The following UGT1A7 variants were observed in gnomAD, a reference collection of about 807,000 sequenced individuals.
UGT1A7 encodes the protein UDP-glucuronosyltransferase 1A7.
Under a neutral mutation model 45.6 loss-of-function variants are expected in UGT1A7, and 33 were observed. The observed-to-expected ratio is 0.72, with a 90% confidence interval of 0.55 to 0.97. UGT1A7 has a LOEUF of 0.97. UGT1A7 is among the 50% of genes least tolerant of loss of function. The pLI is 0.00. For missense variants in UGT1A7, 684 were observed against 666.2 expected, an observed-to-expected ratio of 1.03 and a Z score of -0.29; for synonymous variants, 274 against 250.6, an observed-to-expected ratio of 1.09 and a Z score of -0.88.
intron 1 of UGT1A7, chr2:233,729,392 T>A (rs1335672104): frequency 6.2e-7 from 1 of 1,613,876 alleles, no homozygotes; most frequent in Non-Finnish European, 8.5e-7. Flanking sequence ...CAGGATGAAT[T>A]TGATCGCCAT....
At chr2:233,709,129 A>T (rs2076058664) in intron 1 of UGT1A7, among the ~76,000 whole-genome samples, 1 of 152,130 alleles carries the variant, frequency 6.6e-6, no homozygotes, top group Non-Finnish European at 1.5e-5. Context: ...ATGGTGGCCA[A>T]GGGGATGAGA....
chr2:233,730,328 C>T (rs1363766839), intron 1 of UGT1A7, among the ~76,000 whole-genome samples: 2 of 152,106 alleles, frequency 1.3e-5, no homozygotes, highest in African/African-American at 2.4e-5. Context: ...AGGGACACTA[C>T]GTTTGGAACT....
chr2:233,692,962 G>A (rs1229864362), intron 1 of UGT1A7: 7 of 1,609,176 alleles, frequency 4.4e-6, no homozygotes, highest in Non-Finnish European at 5.1e-6. Flanking sequence ...GATTTGGAGA[G>A]TGAAAACTCT....
chr2:233,718,737 A>G lies in UGT1A7; in HGVS notation c.855+35945A>G, dbSNP rs545724404. On this transcript the variant is annotated intron_variant, in intron 1 of 4. Transcript: ENST00000373426. ...ACATGCTGATTTGCTAGGTGGCTCA[A>G]TGACAAGGTAATTAAGGCGAAGGAA... 56 of 1,611,866 alleles carry G rather than the reference A, an allele frequency of 3.5e-5. No homozygotes were observed. In the African/African-American group the frequency reaches 4.3e-4, roughly 12 times the overall value.
In UGT1A7 at chr2:233,748,243, C is replaced by T. The variant is rs570859275; in HGVS notation, c.856-18791C>T. Among the ~76,000 whole-genome samples the T allele has an allele frequency of 2.0e-4, 31 of 151,784 alleles. 2 individuals are homozygous for T. Among genetic ancestry groups the T allele is most frequent in the African/African-American group, 6.3e-4 (26 of 41,150 alleles). ...TAAACTGTTAAGGGGTCTCTAGTAGCGTATTTCAGGTTTTAAATGGTCAAT... is the reference window on the plus strand; with the variant it reads ...TAAACTGTTAAGGGGTCTCTAGTAGTGTATTTCAGGTTTTAAATGGTCAAT... On this transcript the variant is annotated intron_variant, in intron 1 of 4. Transcript: ENST00000373426.
intron 1 of UGT1A7, chr2:233,747,238 C>T (rs1693595349): frequency 1.8e-5 from 29 of 1,603,598 alleles, no homozygotes; most frequent in Non-Finnish European, 2.5e-5. Flanking sequence ...CCAGGTTCCC[C>T]TGCTGTGGCT....
chr2:233,748,015 C>T lies in UGT1A7; in HGVS notation c.856-19019C>T, dbSNP rs746722710. ...GACTTTGTGATGGATTACCCCAGGC[C>T]GATCATGCCCAACATGGTCTTCATT... is the stretch of plus-strand genomic sequence containing the variant. On this transcript the variant is annotated intron_variant, in intron 1 of 4. Coordinates refer to ENST00000373426, the MANE Select transcript of UGT1A7 (RefSeq NM_019077.3). The T allele has an allele frequency of 4.5e-4, 728 of 1,613,308 alleles. 4 individuals carry two copies. Among genetic ancestry groups the T allele is most frequent in the Middle Eastern group, 6.6e-4 (4 of 6,082 alleles).
chr2:233,692,981 G>A lies in UGT1A7; in HGVS notation c.855+10189G>A, dbSNP rs746849497. 62 of 1,613,094 alleles carry A rather than the reference G, an allele frequency of 3.8e-5. No individual in the cohort carries two copies. The South Asian group carries it at 4.8e-4, about 13-fold the overall frequency. ...TGGAGAGTGAAAACTCTTTATTACC[G>A]TTGTTACTTTAACTCTTTCCAGGAT... On this transcript the variant is annotated intron_variant, in intron 1 of 4. Coordinates refer to ENST00000373426, the MANE Select transcript of UGT1A7 (RefSeq NM_019077.3).
intron 1 of UGT1A7, chr2:233,690,397 A>C: frequency 4.4e-6 from 5 of 1,142,502 alleles, no homozygotes; most frequent in Non-Finnish European, 5.7e-6. Context: ...AGACCTTCCT[A>C]TTCCCAACAT....
chr2:233,732,680 C>A (rs899691828), intron 1 of UGT1A7, among the ~76,000 whole-genome samples: 4 of 151,836 alleles, frequency 2.6e-5, no homozygotes, highest in African/African-American at 9.7e-5. Context: ...TGTTTTGGTA[C>A]CAGCACCCAT....
intron 1 of UGT1A7, chr2:233,754,988 A>T (rs756949361): frequency 6.6e-5 from 86 of 1,295,924 alleles, no homozygotes; most frequent in Non-Finnish European, 8.9e-5. Context: ...CGGCGGGGTC[A>T]CGGAAGCTGA....
At chr2:233,718,637 T>A in intron 1 of UGT1A7, 1 of 1,451,650 alleles carries the variant, frequency 6.9e-7, no homozygotes, top group Non-Finnish European at 9.3e-7. Context: ...TTTCCCAGGG[T>A]TGGGCCCATA....
rs569556369 is a variant in UGT1A7, at chr2:233,768,497, C to G, written c.1295+58C>G. 8 of 1,559,772 alleles carry G rather than the reference C, an allele frequency of 5.1e-6. No individual in the cohort carries two copies. The South Asian group carries it at 9.4e-5, about 18-fold the overall frequency. On this transcript the variant is annotated intron_variant, in intron 4 of 4. Coordinates refer to ENST00000373426, the MANE Select transcript of UGT1A7 (RefSeq NM_019077.3). ...CATGGCATTCATGATAAAATTGTTT[C>G]AAATATGAAAACATTTACGTAGCAT... is the stretch of plus-strand genomic sequence containing the variant.
intron 1 of UGT1A7, among the ~76,000 whole-genome samples, chr2:233,702,805 A>G (rs1026483662): frequency 6.6e-6 from 1 of 152,244 alleles, no homozygotes; most frequent in African/African-American, 2.4e-5. Flanking sequence ...TTCCTAGAAT[A>G]ATCCCACTTG....
chr2:233,698,146 C>A (rs2075427609), intron 1 of UGT1A7, among the ~76,000 whole-genome samples: 1 of 152,142 alleles, frequency 6.6e-6, no homozygotes, highest in Non-Finnish European at 1.5e-5. Flanking sequence ...CAACTGTATT[C>A]CCAGCATGTC....
In UGT1A7 at chr2:233,772,556, T is replaced by C; in HGVS notation, c.1590T>C (p.His530=). ...AGAAAGCCCACAAATCCAAGACCCA[T>C]TGAGAAGTGGGTGGGAAATAAGGTA... is the stretch of plus-strand genomic sequence containing the variant. ...RVKKAHKSKT[H] The change falls in exon 5 of 5, where the codon CAT becomes CAC. Residue 530 remains histidine, a synonymous_variant. Transcript: ENST00000373426. 2.5e-6 allele frequency: 4 copies of C among 1,613,872 alleles called. No homozygotes were observed. The highest frequency in any genetic ancestry group is 2.7e-5 in the African/African-American group (2 of 75,014).
At chr2:233,705,343 T>A (rs2075842379) in intron 1 of UGT1A7, among the ~76,000 whole-genome samples, 1 of 152,224 alleles carries the variant, frequency 6.6e-6, no homozygotes, top group South Asian at 2.1e-4. Flanking sequence ...TCAATTTTTG[T>A]CTTATTACAT....
intron 1 of UGT1A7, among the ~76,000 whole-genome samples, chr2:233,749,743 T>C (rs1694265349): frequency 1.3e-5 from 2 of 151,904 alleles, no homozygotes; most frequent in Non-Finnish European, 2.9e-5. Context: ...GGTCTCATCA[T>C]AGTGAGTGAG....
chr2:233,733,522 T>C (rs2078409587), intron 1 of UGT1A7, among the ~76,000 whole-genome samples: 1 of 152,228 alleles, frequency 6.6e-6, no homozygotes, highest in Non-Finnish European at 1.5e-5. Flanking sequence ...CATGAAGGGA[T>C]GTTTAATTTT....
Sources: allele counts gnomAD v4.1 joint callset (sites outside exome capture counted in the v4.1 genomes callset), GRCh38; gene constraint gnomAD v4.1.1; transcripts MANE v1.5; gene names NCBI Gene and HGNC (gene_info 2026-07-23, HGNC 2026-07-21).